The following ZFP64 variants were observed in gnomAD, a reference collection of about 807,000 sequenced individuals.
The protein encoded by ZFP64 is zinc finger protein 64.
A neutral mutation model predicts 51.6 loss-of-function variants in ZFP64; 14 were observed. The ratio of observed to expected loss-of-function variants is 0.27; its 90% CI spans 0.18 to 0.42. The LOEUF (loss-of-function observed/expected upper bound fraction) is 0.42. ZFP64 is among the 10% of genes least tolerant of loss of function. The pLI is 1.00. For missense variants in ZFP64, 754 were observed against 906.8 expected (o/e 0.83, Z 2.16); for synonymous variants, 375 against 361.4 (o/e 1.04, Z -0.43).
chr20:52,090,517 G>A (rs2078911553), intron 7 of ZFP64, among the ~76,000 whole-genome samples: 1 of 152,050 alleles, frequency 6.6e-6, no homozygotes, highest in Admixed American at 6.6e-5. Flanking sequence ...CTTGGTTGGG[G>A]CGACTGGGCA....
chr20:52,091,385 T>G (rs1266223459), intron 7 of ZFP64, among the ~76,000 whole-genome samples: 2 of 152,018 alleles, frequency 1.3e-5, no homozygotes, highest in African/African-American at 2.4e-5. Flanking sequence ...AAAAAGCCAC[T>G]AAATGCTCTG....
chr20:52,173,869 T>C (rs1164861569), intron 2 of ZFP64, among the ~76,000 whole-genome samples: 1 of 152,056 alleles, frequency 6.6e-6, no homozygotes, highest in Non-Finnish European at 1.5e-5. Context: ...AGGCTCATCT[T>C]GAACTCCCGA....
chr20:52,146,039 C>G (rs1345663071), intron 5 of ZFP64, among the ~76,000 whole-genome samples: 9 of 151,992 alleles, frequency 5.9e-5, no homozygotes, highest in Non-Finnish European at 8.8e-5. Context: ...ATTCTATAAG[C>G]CTTTTCTATT....
chr20:52,165,718 G>A (rs1376522477), intron 3 of ZFP64, 146 bp downstream of exon 3: 1 of 1,058,748 alleles, frequency 9.4e-7, no homozygotes, highest in Non-Finnish European at 1.4e-6. Flanking sequence ...TGTATGTGCT[G>A]ATGTAAATGC....
intron 2 of ZFP64, among the ~76,000 whole-genome samples, chr20:52,171,356 C>CATATGT (rs1319001175): frequency 6.6e-6 from 1 of 151,176 alleles, no homozygotes; most frequent in Non-Finnish European, 1.5e-5. Flanking sequence ...GGTGTGTGTG[C>CATATGT]ATATGTGTAT....
chr20:52,161,695 A>T (rs1981824822), intron 4 of ZFP64, among the ~76,000 whole-genome samples: 2 of 152,156 alleles, frequency 1.3e-5, no homozygotes, highest in African/African-American at 4.8e-5. Flanking sequence ...AAATGAAAAG[A>T]AGCAAGTTGC....
intron 5 of ZFP64, chr20:52,105,195 C>A: frequency 7.0e-7 from 1 of 1,435,868 alleles, no homozygotes; most frequent in East Asian, 2.8e-5. Flanking sequence ...CGCGGCTCCT[C>A]GGAGTTGAGG....
downstream of ZFP64, among the ~76,000 whole-genome samples, chr20:52,148,814 T>G (rs1322386349): frequency 6.6e-6 from 1 of 152,004 alleles, no homozygotes; most frequent in Non-Finnish European, 1.5e-5. Context: ...AGGGGAAGGA[T>G]GGACGTTCTT....
rs745621603 is a variant in ZFP64 at position 52,116,522 on chromosome 20, AATG to A, written c.764-17938_764-17936del. On this transcript the variant is annotated intron_variant, in intron 5 of 8. Coordinates refer to the ZFP64 transcript ENST00000361387. ...TAGTTAAGAATTAACTAAAATAAATAATGATATACTTTCATACAATAGAATTCT... is the reference window on the plus strand; with the variant it reads ...TAGTTAAGAATTAACTAAAATAAATAATATACTTTCATACAATAGAATTCT... 2.0e-4 allele frequency among the ~76,000 whole-genome samples: 31 copies of A among 152,040 alleles called. No homozygotes were observed. In the East Asian group the frequency reaches 5.6e-3, roughly 27 times the overall value.
At chr20:52,100,486 TC>T (rs2079039267) in intron 5 of ZFP64, among the ~76,000 whole-genome samples, 1 of 152,078 alleles carries the variant, frequency 6.6e-6, no homozygotes, top group South Asian at 2.1e-4. Flanking sequence ...CCTCAAGTGA[TC>T]CGCCCATCTC....
intron 1 of ZFP64, among the ~76,000 whole-genome samples, chr20:52,189,288 C>T (rs928471718): frequency 1.3e-5 from 2 of 150,720 alleles, no homozygotes; most frequent in Admixed American, 1.3e-4. Flanking sequence ...CCCAGCTACT[C>T]AGAAGGCTGA....
At chr20:52,123,956 A>G (rs1600728592) in intron 5 of ZFP64, among the ~76,000 whole-genome samples, 3 of 151,428 alleles carry the variant, frequency 2.0e-5, no homozygotes. Context: ...TGCAAGCTCC[A>G]CCTCCTGGGT....
At position 52,160,506 on chromosome 20, in the gene ZFP64, G is replaced by A. The variant is rs1389146059; in HGVS notation, c.512-132C>T. 1.6e-6 allele frequency: 2 copies of A among 1,230,856 alleles called. No homozygotes were observed. The highest frequency in any genetic ancestry group is 1.1e-6 in the Non-Finnish European group (1 of 912,954). 76.2% of individuals were successfully genotyped at this position (1,230,856 alleles called of 1,614,324 possible). ...TATTCCAAAAACCCTAAAACACTGG[G>A]TGGATGATTGGCAAAGAGCTAACAT... On this transcript the variant is annotated intron_variant, in intron 4 of 5. Transcript: ENST00000216923. This position sits in a 1 kb window ranked among gnomAD's most constrained non-coding sequence, Gnocchi z 4.2.
Position 52,105,076 on chromosome 20 carries a change from G to A in ZFP64, c.764-6489C>T, listed in dbSNP as rs1568949584. The A allele has an allele frequency of 4.3e-6, 6 of 1,404,998 alleles. No individual in the cohort carries two copies. In the African/African-American group the frequency reaches 5.9e-5, roughly 14 times the overall value. 87.0% of individuals were successfully genotyped at this position (1,404,998 alleles called of 1,614,324 possible). A position where few individuals can be genotyped will look rare whatever the true frequency, so the allele number is the denominator to read the frequency against. ...GTCCTCGTACCCGCGCGGGTCCGGAGAACCTCTGAGCACCGGCCCCCAGCC... is the reference window on the plus strand; with the variant it reads ...GTCCTCGTACCCGCGCGGGTCCGGAAAACCTCTGAGCACCGGCCCCCAGCC... On this transcript the variant is annotated intron_variant, in intron 5 of 8. Transcript: ENST00000361387.
At chr20:52,174,326 A>G (rs1433137241) in intron 2 of ZFP64, among the ~76,000 whole-genome samples, 1 of 152,072 alleles carries the variant, frequency 6.6e-6, no homozygotes, top group African/African-American at 2.4e-5. Flanking sequence ...TCTCTACTAA[A>G]AATACAAAAA....
chr20:52,181,190 C>T (rs946497708), intron 2 of ZFP64, among the ~76,000 whole-genome samples: 6 of 152,210 alleles, frequency 3.9e-5, no homozygotes, highest in Non-Finnish European at 8.8e-5. Flanking sequence ...GATCCACCCA[C>T]TTCAGCCTCC....
chr20:52,170,515 G>C (rs1285952103), intron 2 of ZFP64, among the ~76,000 whole-genome samples: 1 of 152,148 alleles, frequency 6.6e-6, no homozygotes, highest in Non-Finnish European at 1.5e-5. Flanking sequence ...GGATCATTTT[G>C]GGGCAGGGCT....
At chr20:52,138,042 TAAATAAATAAATAAGC>T (rs1340627468) in intron 5 of ZFP64, among the ~76,000 whole-genome samples, 1 of 122,784 alleles carries the variant, frequency 8.1e-6, no homozygotes, top group Admixed American at 8.5e-5. Context: ...AATAAATAAA[TAAATAAATAAATAAGC>T]AAGCCAGGCA....
intron 7 of ZFP64, among the ~76,000 whole-genome samples, chr20:52,091,576 T>C (rs895719217): frequency 6.6e-6 from 1 of 152,200 alleles, no homozygotes; most frequent in Non-Finnish European, 1.5e-5. Context: ...GAGTGTAACA[T>C]GGCTTCACAA....
Sources: allele counts gnomAD v4.1 joint callset (sites outside exome capture counted in the v4.1 genomes callset), GRCh38; gene constraint gnomAD v4.1.1; non-coding constraint Gnocchi (gnomAD v3.1); transcripts MANE v1.5; gene names NCBI Gene and HGNC (gene_info 2026-07-23, HGNC 2026-07-21).